NRXN1: variants seen among roughly 807,000 people sequenced by gnomAD.
The protein encoded by NRXN1 is neurexin-1.
NRXN1 carries 39 observed loss-of-function variants against 150.9 expected under a neutral mutation model. That is an observed-to-expected ratio of 0.26 (90% CI 0.20 to 0.34). The LOEUF (loss-of-function observed/expected upper bound fraction) is 0.34. Ranked by LOEUF, NRXN1 falls within the 10% of genes least tolerant of loss-of-function variation. NRXN1 has a pLI of 1.00. For synonymous variants in NRXN1, 924 were observed against 757.0 expected, an observed-to-expected ratio of 1.22 and a Z score of -3.62; for missense variants, 1,815 against 1,949.9, an observed-to-expected ratio of 0.93 and a Z score of 1.30.
intron 5 of NRXN1, among the ~76,000 whole-genome samples, chr2:50,658,835 C>T (rs954612009): frequency 3.9e-5 from 6 of 151,992 alleles, no homozygotes; most frequent in Non-Finnish European, 5.9e-5. Flanking sequence ...TTTCTTCTCC[C>T]TTTTTAGAGT....
At chr2:50,163,103 A>C (rs2059456636) in intron 18 of NRXN1, among the ~76,000 whole-genome samples, 1 of 138,500 alleles carries the variant, frequency 7.2e-6, no homozygotes, top group African/African-American at 2.9e-5. Flanking sequence ...TGTTTACCTT[A>C]AATACTGAGC....
chr2:50,198,921 C>G (rs1295940241), intron 18 of NRXN1, among the ~76,000 whole-genome samples: 1 of 152,030 alleles, frequency 6.6e-6, no homozygotes, highest in Non-Finnish European at 1.5e-5. Flanking sequence ...ATTTTGTCCC[C>G]AGAGCTACAA....
intron 22 of NRXN1, among the ~76,000 whole-genome samples, chr2:49,938,831 A>T (rs1037529399): frequency 6.6e-6 from 1 of 152,184 alleles, no homozygotes; most frequent in South Asian, 2.1e-4. Flanking sequence ...CTTGAATATC[A>T]ACATAAAACT....
chr2:50,184,748 T>C (rs997083213), intron 18 of NRXN1, among the ~76,000 whole-genome samples: 6 of 152,068 alleles, frequency 3.9e-5, no homozygotes, highest in Non-Finnish European at 5.9e-5. Context: ...CAAATACTTA[T>C]ATAGCATTTA....
intron 5 of NRXN1, among the ~76,000 whole-genome samples, chr2:50,905,032 C>G (rs1038968576): frequency 6.6e-6 from 1 of 152,076 alleles, no homozygotes; most frequent in Non-Finnish European, 1.5e-5. Context: ...ACTGAAAGAA[C>G]AAGACCCAGG....
At chr2:50,437,403 T>C (rs1013418686) in intron 17 of NRXN1, among the ~76,000 whole-genome samples, 7 of 152,246 alleles carry the variant, frequency 4.6e-5, no homozygotes, top group Non-Finnish European at 7.3e-5. Context: ...GTGTCATTTA[T>C]ATCTTCCAAA....
intron 5 of NRXN1, among the ~76,000 whole-genome samples, chr2:50,693,422 G>A (rs1692349065): frequency 6.6e-6 from 1 of 152,080 alleles, no homozygotes; most frequent in Non-Finnish European, 1.5e-5. Context: ...TCTTGGAGGT[G>A]TTTTTTTAGA....
At chr2:50,705,009 C>G (rs1376035481) in intron 5 of NRXN1, among the ~76,000 whole-genome samples, 1 of 150,678 alleles carries the variant, frequency 6.6e-6, no homozygotes, top group East Asian at 2.0e-4. Context: ...TAATAACTTA[C>G]GAATAAAACA....
chr2:49,963,375 A>G (rs537005865), intron 21 of NRXN1, among the ~76,000 whole-genome samples: 4 of 152,360 alleles, frequency 2.6e-5, no homozygotes, highest in Non-Finnish European at 4.4e-5. Context: ...GGCAAAGTAG[A>G]AGAAAAGAGG....
intron 2 of NRXN1, among the ~76,000 whole-genome samples, chr2:50,954,910 T>C (rs575722361): frequency 1.3e-5 from 2 of 152,240 alleles, no homozygotes; most frequent in East Asian, 1.9e-4. Flanking sequence ...CTGGAGAGAT[T>C]GGTGTACAGC....
In NRXN1 at chr2:50,570,347, A is replaced by T. The variant is rs532507430; in HGVS notation, c.1321-17322T>A. 7.1e-4 allele frequency among the ~76,000 whole-genome samples: 108 copies of T among 152,312 alleles called. 1 individual carries two copies. The highest frequency in any genetic ancestry group is 2.5e-3 in the African/African-American group (102 of 41,578). ...GCTACACAAAATGGTGGGCATTTCC[A>T]TAGCACTGGTACACAGGTTGGTGCT... is the stretch of plus-strand genomic sequence containing the variant. On this transcript the variant is annotated intron_variant, in intron 8 of 22. Coordinates refer to ENST00000401669, the MANE Select transcript of NRXN1 (RefSeq NM_001330078.2).
intron 17 of NRXN1, among the ~76,000 whole-genome samples, chr2:50,295,967 C>A (rs1271475232): frequency 1.3e-5 from 2 of 152,104 alleles, no homozygotes; most frequent in Admixed American, 1.3e-4. Flanking sequence ...TAGAGCAGCA[C>A]CTTTAAATCT....
At chr2:50,915,580 G>A (rs1335801001) in intron 5 of NRXN1, among the ~76,000 whole-genome samples, 1 of 151,474 alleles carries the variant, frequency 6.6e-6, no homozygotes, top group African/African-American at 2.4e-5. Context: ...TTGTACAAAT[G>A]TTCTCTGTAG....
At chr2:50,281,343 A>G (rs929319227) in intron 17 of NRXN1, among the ~76,000 whole-genome samples, 1 of 132,134 alleles carries the variant, frequency 7.6e-6, no homozygotes, top group African/African-American at 2.7e-5. Flanking sequence ...ATAATAATCC[A>G]TAATAGTAGA....
intron 5 of NRXN1, among the ~76,000 whole-genome samples, chr2:50,798,816 T>G (rs778961914): frequency 4.1e-4 from 63 of 152,260 alleles, no homozygotes; most frequent in African/African-American, 1.4e-3. Flanking sequence ...AAATTTTTAT[T>G]AAATTCAAAT....
chr2:50,488,658 A>C (rs10865247), intron 15 of NRXN1, among the ~76,000 whole-genome samples: 85,096 of 151,982 alleles, frequency 0.56, 24,930 homozygotes, highest in African/African-American at 0.73. Flanking sequence ...GTCCCTTTCC[A>C]CATCACTTGT....
intron 5 of NRXN1, among the ~76,000 whole-genome samples, chr2:50,696,757 T>C (rs1330682457): frequency 1.3e-5 from 2 of 152,136 alleles, no homozygotes; most frequent in African/African-American, 4.8e-5. Context: ...AACATATTTA[T>C]TTGATTTAAA....
chr2:49,919,008 C>T lies in NRXN1; in HGVS notation c.*2936G>A, dbSNP rs143499165. 6.6e-6 allele frequency: 1 copy of T among 152,188 alleles called. No homozygotes were observed. Among genetic ancestry groups the T allele is most frequent in the African/African-American group, 2.4e-5 (1 of 41,558 alleles). 9.4% of individuals were successfully genotyped at this position (152,188 alleles called of 1,614,324 possible). A position where few individuals can be genotyped will look rare whatever the true frequency, so the allele number is the denominator to read the frequency against. On this transcript the variant is annotated 3_prime_UTR_variant, in exon 23 of 23. Transcript: ENST00000401669. ...CTTTGATACCCAATCACACAAAGCA[C>T]TAGAAGGGTAGGGTTATGTGGCCTT...
At chr2:50,423,681 G>A (rs2084185811) in intron 17 of NRXN1, among the ~76,000 whole-genome samples, 1 of 152,018 alleles carries the variant, frequency 6.6e-6, no homozygotes, top group Non-Finnish European at 1.5e-5. Context: ...CCCACCAAGA[G>A]CTTCCATTCC....
Sources: allele counts gnomAD v4.1 joint callset (sites outside exome capture counted in the v4.1 genomes callset), GRCh38; gene constraint gnomAD v4.1.1; transcripts MANE v1.5; gene names NCBI Gene and HGNC (gene_info 2026-07-23, HGNC 2026-07-21).